Variants in NFS1 observed in about 807,000 individuals in gnomAD.
The protein encoded by NFS1 is cysteine desulfurase.
A neutral mutation model predicts 57.3 loss-of-function variants in NFS1; 26 were observed. The ratio of observed to expected loss-of-function variants is 0.45; its 90% CI spans 0.33 to 0.63. NFS1 has a LOEUF of 0.63. NFS1 is among the 20% of genes least tolerant of loss of function. The pLI is 0.02. For missense variants in NFS1, 505 were observed against 605.8 expected, an observed-to-expected ratio of 0.83 and a Z score of 1.75; for synonymous variants, 209 against 216.3, an observed-to-expected ratio of 0.97 and a Z score of 0.30.
intron 7 of NFS1, 77 bp from the exon 8 acceptor site, chr20:35,675,279 C>G (rs1222017693): frequency 3.6e-6 from 5 of 1,387,052 alleles, no homozygotes; most frequent in Non-Finnish European, 4.8e-6. Flanking sequence ...CCAAAGGGAT[C>G]AAAATATTAC....
intron 5 of NFS1, among the ~76,000 whole-genome samples, chr20:35,683,176 G>A (rs2034880169): frequency 6.6e-6 from 1 of 151,884 alleles, no homozygotes; most frequent in Admixed American, 6.6e-5. Context: ...ATGACAGTAT[G>A]AAATGACAAA....
rs779839158 is a variant in NFS1 at position 35,669,726 on chromosome 20, T to C, written c.1311-41A>G. 2.4e-5 allele frequency: 38 copies of C among 1,587,664 alleles called. No homozygotes were observed. In the East Asian group the frequency reaches 3.6e-4, roughly 15 times the overall value. ...GGCATTAAATGAGTGAGGGCTTAGA[T>C]AGGAAGTCGACAACATTGGCCCCAA... On this transcript the variant is annotated intron_variant, in intron 12 of 12. Coordinates refer to ENST00000374092, the MANE Select transcript of NFS1 (RefSeq NM_021100.5).
chr20:35,679,967 T>C lies in NFS1; in HGVS notation c.790+770A>G, dbSNP rs533895987. Among the ~76,000 whole-genome samples the C allele has an allele frequency of 5.3e-5, 8 of 152,308 alleles. No individual in the cohort carries two copies. The East Asian group carries it at 1.5e-3, about 29-fold the overall frequency. ...GACCATAGGGAACAAACATGTATCC[T>C]TGAGAGACTAACAGGATAACAGACT... On this transcript the variant is annotated intron_variant, in intron 7 of 12. Transcript: ENST00000374092.
At position 35,675,090 on chromosome 20, in the gene NFS1, C is replaced by G. The variant is rs764088955; in HGVS notation, c.903G>C (p.Val301=). ...MRSGTVPTPL[V]VGLGAACEVA... ...CCTCACACGCAGCCCCCAGCCCCAC[C>G]ACTAAGGGTGTGGGCACTGTCCCAG... The change falls in exon 8 of 13, where the codon GTG becomes GTC. Residue 301 remains valine, a synonymous_variant. Transcript: ENST00000374092. The G allele has an allele frequency of 1.2e-6, 2 of 1,614,094 alleles. No homozygotes were observed. The highest frequency in any genetic ancestry group is 3.3e-5 in the Admixed American group (2 of 60,022).
chr20:35,691,833 G>A (rs950169281), intron 4 of NFS1, among the ~76,000 whole-genome samples: 6 of 146,076 alleles, frequency 4.1e-5, no homozygotes, highest in Non-Finnish European at 7.5e-5. Flanking sequence ...GGTGGATCAC[G>A]AGGTCAGGAG....
At chr20:35,673,855 G>C (rs988092266) in intron 10 of NFS1, 171 bp from the exon 11 acceptor site, 1 of 558,378 alleles carries the variant, frequency 1.8e-6, no homozygotes, top group South Asian at 2.1e-5. Context: ...GCACATCCTA[G>C]GATGTGTGAA....
rs749841329 is a variant in NFS1 at position 35,699,040 on chromosome 20, C to G, written c.97+152G>C. 1.5e-4 allele frequency: 203 copies of G among 1,319,692 alleles called. 1 individual carries two copies. The highest frequency in any genetic ancestry group is 1.9e-4 in the Non-Finnish European group (198 of 1,037,356). The allele number at this position is 1,319,692 out of a possible 1,614,324, so 81.7% of individuals were successfully genotyped here. A position where few individuals can be genotyped will look rare whatever the true frequency, so the allele number is the denominator to read the frequency against. Reference sequence around the variant, plus strand: ...TGCGCCGGGGTCAACCGTTCGGGGACCCGCCTAAGAAAGTTTGAGGGATGT... The same window carrying G: ...TGCGCCGGGGTCAACCGTTCGGGGAGCCGCCTAAGAAAGTTTGAGGGATGT... On this transcript the variant is annotated intron_variant, in intron 1 of 12. Transcript: ENST00000374092. This position sits in a 1 kb window ranked among gnomAD's most constrained non-coding sequence, Gnocchi z 4.4.
Position 35,697,709 on chromosome 20 carries a change from T to G in NFS1, c.299A>C (p.Glu100Ala), listed in dbSNP as rs746373988. 2.4e-5 allele frequency: 39 copies of G among 1,613,304 alleles called. No individual in the cohort carries two copies. The highest frequency in any genetic ancestry group is 3.3e-5 in the Non-Finnish European group (39 of 1,179,584). ...SRTHAYGWES[E>A]AAMERARQQV... is the part of the protein sequence containing the mutation. ...CTGACGAGCACGTTCCATGGCTGCC[T>G]CACTCTCCCAGCCATAAGCATGTGT... Residue 100 changes from glutamate to alanine, a missense_variant, in exon 3 of 13, where the codon GAG becomes GCG. Physicochemically the swap from Glu to Ala is moderately radical, Grantham distance 107. Transcript: ENST00000374092.
chr20:35,693,652 A>G, intron 4 of NFS1, among the ~76,000 whole-genome samples: 1 of 152,052 alleles, frequency 6.6e-6, no homozygotes, highest in East Asian at 1.9e-4. Flanking sequence ...ACATAATGAG[A>G]GCCGCATCTC....
chr20:35,675,777 T>A (rs1461179568), intron 7 of NFS1: 3 of 150,074 alleles, frequency 2.0e-5, no homozygotes, highest in Non-Finnish European at 2.9e-5. Context: ...CTCAGGAGGC[T>A]GAGACATGAG....
Position 35,690,448 on chromosome 20 carries a change from G to T in NFS1, c.526C>A (p.Leu176Ile). 1 of 1,613,890 alleles carries T rather than the reference G, an allele frequency of 6.2e-7. No homozygotes were observed. Among genetic ancestry groups the T allele is most frequent in the African/African-American group, 1.3e-5 (1 of 74,992 alleles). ...ATGATCCCACTCTTCTGCACTGGGA[G>T]GTAGGTGACCTGAAAGCCCTCAGCT... The part of the protein sequence containing the change: ...LEAEGFQVTY[L>I]PVQKSGIIDL... Residue 176 changes from leucine to isoleucine, a missense_variant, in exon 5 of 13, where the codon CTC becomes ATC. Leu to Ile is a conservative substitution (Grantham distance 5). Transcript: ENST00000374092.
chr20:35,685,147 A>G (rs1290601427), intron 5 of NFS1, among the ~76,000 whole-genome samples: 1 of 151,658 alleles, frequency 6.6e-6, no homozygotes, highest in Non-Finnish European at 1.5e-5. Flanking sequence ...TTGGCCCCCA[A>G]AGTGCTGGGA....
Position 35,696,359 on chromosome 20 carries a change from C to T in NFS1, c.408+18G>A. The T allele has an allele frequency of 6.3e-7, 1 of 1,578,154 alleles. No homozygotes were observed. The highest frequency in any genetic ancestry group is 8.7e-7 in the Non-Finnish European group (1 of 1,147,072). ...GGTCAGGAAAGCCCACATACACCCT[C>T]TGGTTCCCTTCTCTTACCTTAATTG... On this transcript the variant is annotated intron_variant, in intron 4 of 12. Transcript: ENST00000374092.
intron 12 of NFS1, among the ~76,000 whole-genome samples, chr20:35,671,774 C>T (rs112783653): frequency 0.068 from 10,251 of 150,664 alleles, 430 homozygotes; most frequent in South Asian, 0.18. Context: ...CCTGTAGTAC[C>T]AGCTACTTGG....
At chr20:35,683,793 A>C (rs111531620) in intron 5 of NFS1, among the ~76,000 whole-genome samples, 1 of 145,770 alleles carries the variant, frequency 6.9e-6, no homozygotes, top group East Asian at 2.0e-4. Flanking sequence ...TCCATCTCAA[A>C]AAAAAAAAAA....
rs2035203795 is a variant in NFS1, at chr20:35,699,313, C to A, written c.-25G>T. 4 of 1,397,798 alleles carry A rather than the reference C, an allele frequency of 2.9e-6. No individual in the cohort carries two copies. Among genetic ancestry groups the A allele is most frequent in the Non-Finnish European group, 3.7e-6 (4 of 1,083,106 alleles). The allele number at this position is 1,397,798 out of a possible 1,614,324, so 86.6% of individuals were successfully genotyped here. ...TGGTCCCGCTGGCAGAGCCCACCTT[C>A]CGAAGCCGCTGCAGTCCTGGGCCCC... On this transcript the variant is annotated 5_prime_UTR_variant, in exon 1 of 13. Coordinates refer to ENST00000374092, the MANE Select transcript of NFS1 (RefSeq NM_021100.5). This position sits in a 1 kb window ranked among gnomAD's most constrained non-coding sequence, Gnocchi z 4.4.
chr20:35,670,115 C>A (rs958905639), intron 12 of NFS1, among the ~76,000 whole-genome samples: 2 of 152,238 alleles, frequency 1.3e-5, no homozygotes, highest in Non-Finnish European at 2.9e-5. Context: ...CAGCCCACCA[C>A]ATATTACCCG....
intron 4 of NFS1, 68 bp downstream of exon 4, chr20:35,696,309 A>G: frequency 3.8e-6 from 4 of 1,061,918 alleles, no homozygotes; most frequent in South Asian, 2.5e-5. Flanking sequence ...TACGAGTCCA[A>G]ATGATGGAGG....
chr20:35,671,410 A>G (rs2034652193), intron 12 of NFS1, among the ~76,000 whole-genome samples: 1 of 152,150 alleles, frequency 6.6e-6, no homozygotes, highest in African/African-American at 2.4e-5. Context: ...CACAGAAAAT[A>G]TATTTTTAAA....
Sources: gnomAD v4.1 joint callset for allele counts (sites outside exome capture counted in the v4.1 genomes callset) on GRCh38, gnomAD v4.1.1 for gene constraint, Gnocchi (gnomAD v3.1) non-coding constraint, MANE v1.5 for transcripts, NCBI Gene and HGNC (gene_info 2026-07-23, HGNC 2026-07-21) for gene names.